The following TAFA1 variants were observed in gnomAD, a reference collection of about 807,000 sequenced individuals.
The protein encoded by TAFA1 is TAFA chemokine like family member 1.
TAFA1 carries 4 observed loss-of-function variants against 18.5 expected under a neutral mutation model. The observed-to-expected ratio is 0.22, with a 90% CI of 0.11 to 0.49. TAFA1 has a LOEUF of 0.49. Among genes scored for constraint, TAFA1 ranks in the 20% least tolerant of loss-of-function variants. The probability of loss-of-function intolerance (pLI) is 0.98; values close to 1 mark genes in which losing one functional copy is unlikely to be tolerated. For synonymous variants in TAFA1, 56 were observed against 55.2 expected (o/e 1.01, Z -0.06); for missense variants, 147 against 169.0 (o/e 0.87, Z 0.72).
At chr3:68,335,448 A>G (rs914476229) in intron 2 of TAFA1, among the ~76,000 whole-genome samples, 2 of 152,208 alleles carry the variant, frequency 1.3e-5, no homozygotes, top group Non-Finnish European at 2.9e-5. Flanking sequence ...TTCCATACTC[A>G]TGATTATACA....
intron 3 of TAFA1, among the ~76,000 whole-genome samples, chr3:68,475,862 T>C: frequency 6.6e-6 from 1 of 152,190 alleles, no homozygotes; most frequent in Admixed American, 6.5e-5. Context: ...CTAACTGGTG[T>C]GAGATGGTAT....
chr3:68,046,638 A>G (rs902683349), intron 2 of TAFA1, among the ~76,000 whole-genome samples: 1 of 152,184 alleles, frequency 6.6e-6, no homozygotes, highest in Non-Finnish European at 1.5e-5. Context: ...CATCATGATA[A>G]GGGTCATTCA....
chr3:68,386,390 G>A (rs541238931), intron 2 of TAFA1, among the ~76,000 whole-genome samples: 9 of 151,982 alleles, frequency 5.9e-5, no homozygotes, highest in South Asian at 2.1e-4. Flanking sequence ...AGGTGGTTAC[G>A]AGTTTTTTTT....
chr3:68,216,657 T>A (rs1203668060), intron 2 of TAFA1, among the ~76,000 whole-genome samples: 1 of 152,040 alleles, frequency 6.6e-6, no homozygotes, highest in Non-Finnish European at 1.5e-5. Context: ...AGACCAGAGA[T>A]TTTTGGAAAA....
chr3:68,353,226 G>A (rs73838718), intron 2 of TAFA1, among the ~76,000 whole-genome samples: 2,392 of 152,124 alleles, frequency 0.016, 55 homozygotes, highest in African/African-American at 0.053. Flanking sequence ...CAAGCACCAA[G>A]CACTAGTAGT....
At chr3:68,359,367 A>T (rs2069428638) in intron 2 of TAFA1, among the ~76,000 whole-genome samples, 1 of 152,070 alleles carries the variant, frequency 6.6e-6, no homozygotes, top group African/African-American at 2.4e-5. Context: ...AAGGAAAATT[A>T]AGGTGGCAGA....
chr3:68,483,150 A>G (rs1475756040), intron 3 of TAFA1, among the ~76,000 whole-genome samples: 2 of 152,216 alleles, frequency 1.3e-5, no homozygotes, highest in Non-Finnish European at 1.5e-5. Flanking sequence ...ATGCCACAGA[A>G]TGGGAGTAAG....
At chr3:68,176,257 G>C (rs577295612) in intron 2 of TAFA1, among the ~76,000 whole-genome samples, 1 of 152,320 alleles carries the variant, frequency 6.6e-6, no homozygotes, top group South Asian at 2.1e-4. Flanking sequence ...CAAGGTGGGA[G>C]AATTGTTTGA....
chr3:68,289,426 G>A (rs2068071841), intron 2 of TAFA1, among the ~76,000 whole-genome samples: 1 of 136,994 alleles, frequency 7.3e-6, no homozygotes, highest in Admixed American at 7.1e-5. Flanking sequence ...TTTTGTAGAA[G>A]CATTACTACA....
intron 2 of TAFA1, among the ~76,000 whole-genome samples, chr3:68,102,882 G>A (rs183599974): frequency 9.2e-5 from 14 of 152,284 alleles, no homozygotes; most frequent in Admixed American, 6.5e-4. Context: ...GAATGCTTGG[G>A]CCAAGGGCTG....
At chr3:68,444,525 C>T (rs1265418677) in intron 3 of TAFA1, among the ~76,000 whole-genome samples, 1 of 152,060 alleles carries the variant, frequency 6.6e-6, no homozygotes, top group African/African-American at 2.4e-5. Flanking sequence ...AAGTACAAAT[C>T]TTGGGTGAAT....
upstream of TAFA1, among the ~76,000 whole-genome samples, chr3:68,003,632 C>T (rs1424171091): frequency 6.7e-6 from 1 of 149,622 alleles, no homozygotes; most frequent in Non-Finnish European, 1.5e-5. Flanking sequence ...GGGTTCAAAC[C>T]GTAGTAAGAG....
At chr3:68,196,384 C>G (rs2107026661) in intron 2 of TAFA1, among the ~76,000 whole-genome samples, 1 of 151,868 alleles carries the variant, frequency 6.6e-6, no homozygotes, top group Admixed American at 6.6e-5. Context: ...AGCAATCAAT[C>G]AATCAATCTA....
At chr3:68,186,257 G>T (rs932737233) in intron 2 of TAFA1, among the ~76,000 whole-genome samples, 1 of 151,964 alleles carries the variant, frequency 6.6e-6, no homozygotes, top group Non-Finnish European at 1.5e-5. Context: ...TGTTGCCAGG[G>T]CAATTACAAA....
At chr3:68,098,793 G>A (rs1016296067) in intron 2 of TAFA1, among the ~76,000 whole-genome samples, 3 of 152,064 alleles carry the variant, frequency 2.0e-5, no homozygotes, top group African/African-American at 7.2e-5. Context: ...CATGGTACGG[G>A]TACAAAAACA....
chr3:68,285,230 C>G (rs1276561104), intron 2 of TAFA1, among the ~76,000 whole-genome samples: 1 of 152,184 alleles, frequency 6.6e-6, no homozygotes, highest in Non-Finnish European at 1.5e-5. Flanking sequence ...CAAAACCAAT[C>G]TATGCTGGTA....
intron 2 of TAFA1, among the ~76,000 whole-genome samples, chr3:68,353,423 A>G (rs767771380): frequency 1.8e-4 from 27 of 152,090 alleles, no homozygotes; most frequent in Non-Finnish European, 3.7e-4. Context: ...CTGCACAAGG[A>G]CATCATGTGA....
chr3:68,072,693 A>G (rs73834816), intron 2 of TAFA1, among the ~76,000 whole-genome samples: 6,335 of 152,232 alleles, frequency 0.042, 197 homozygotes, highest in East Asian at 0.1. Flanking sequence ...ACAGAGATAA[A>G]GCAGAATGGA....
At chr3:68,385,664 G>C (rs1261948208) in intron 2 of TAFA1, among the ~76,000 whole-genome samples, 6 of 151,984 alleles carry the variant, frequency 3.9e-5, no homozygotes, top group Admixed American at 3.9e-4. Context: ...TAATGTTATT[G>C]TTAAACATAT....
Sources: allele counts gnomAD v4.1 joint callset (sites outside exome capture counted in the v4.1 genomes callset), GRCh38; gene constraint gnomAD v4.1.1; transcripts MANE v1.5; gene names NCBI Gene and HGNC (gene_info 2026-07-23, HGNC 2026-07-21).